CDCA2: variants seen among roughly 807,000 people sequenced by gnomAD.
CDCA2 encodes cell division cycle associated 2.
CDCA2 carries 44 observed loss-of-function variants against 67.0 expected under a neutral mutation model. The ratio of observed to expected loss-of-function variants is 0.66; its 90% CI spans 0.52 to 0.84. The LOEUF is 0.84. Ranked by LOEUF, CDCA2 falls within the 40% of genes least tolerant of loss-of-function variation. The pLI is 0.00. For missense variants in CDCA2, 1,253 were observed against 1,203.2 expected (o/e 1.04, Z -0.61); for synonymous variants, 447 against 418.7 (o/e 1.07, Z -0.82).
chr8:25,475,652 G>T (rs551267301), intron 7 of CDCA2, among the ~76,000 whole-genome samples: 1 of 152,320 alleles, frequency 6.6e-6, no homozygotes, highest in East Asian at 1.9e-4. Flanking sequence ...ACCTGGCGAA[G>T]ACCTGATGGG....
Position 25,483,471 on chromosome 8 carries a change from A to G in CDCA2, c.1105A>G (p.Lys369Glu), listed in dbSNP as rs148572164. 6 of 1,610,140 alleles carry G rather than the reference A, an allele frequency of 3.7e-6. No homozygotes were observed. Among genetic ancestry groups the G allele is most frequent in the Non-Finnish European group, 4.2e-6 (5 of 1,177,848 alleles). The change falls in exon 9 of 15, where the codon AAA becomes GAA. Residue 369 changes from lysine (K) to glutamate (E), a missense_variant. By Grantham distance (56) the Lys-to-Glu change is moderately conservative (BLOSUM62 1). Transcript: ENST00000330560. Reference protein sequence around the residue: ...SLISNLPNCCKEKEAEDEENF... With the variant: ...SLISNLPNCCEEKEAEDEENF... ...AATCTCAAATCTCCCAAACTGTTGC[A>G]AAGAGAAAGAAGCAGGTAAGAAATT...
chr8:25,460,609 A>G, intron 3 of CDCA2, 55 bp downstream of exon 3: 1 of 1,537,540 alleles, frequency 6.5e-7, no homozygotes, highest in Non-Finnish European at 8.8e-7. Flanking sequence ...AATAACTTTA[A>G]TATAACTCAG....
intron 5 of CDCA2, 88 bp from the exon 6 acceptor site, chr8:25,468,118 CAAAAAAAAAAA>C (rs60060887): frequency 2.2e-4 from 35 of 159,768 alleles, no homozygotes; most frequent in Middle Eastern, 7.1e-3. Flanking sequence ...AACTCCGTCT[CAAAAAAAAAAA>C]AAAAAAAAAA....
At chr8:25,491,358 A>C (rs1803995582) in intron 13 of CDCA2, among the ~76,000 whole-genome samples, 1 of 152,196 alleles carries the variant, frequency 6.6e-6, no homozygotes, top group African/African-American at 2.4e-5. Context: ...GCGCCCACTG[A>C]ATAACTGGTA....
chr8:25,480,211 C>G (rs1586492121), intron 8 of CDCA2, 87 bp downstream of exon 8: 5 of 1,104,532 alleles, frequency 4.5e-6, no homozygotes, highest in East Asian at 2.6e-5. Flanking sequence ...ATATATCATG[C>G]TAGTTTAAAA....
chr8:25,504,358 T>G (rs1208670066), intron 14 of CDCA2, among the ~76,000 whole-genome samples: 1 of 151,830 alleles, frequency 6.6e-6, no homozygotes, highest in African/African-American at 2.4e-5. Flanking sequence ...CTCAAACTCT[T>G]GGGCTCAAAC....
chr8:25,482,205 C>A lies in CDCA2; in HGVS notation c.1033-1194C>A, dbSNP rs992358192. Among the ~76,000 whole-genome samples the A allele has an allele frequency of 2.2e-4, 33 of 152,194 alleles. 1 individual carries two copies. The highest frequency in any genetic ancestry group is 4.6e-4 in the Non-Finnish European group (31 of 68,036). Reference sequence around the variant, plus strand: ...TGTATTCTTTATTTGCAGAAACACACAGGGACAACTGCTACCTTCTTTCCT... The same window carrying A: ...TGTATTCTTTATTTGCAGAAACACAAAGGGACAACTGCTACCTTCTTTCCT... On this transcript the variant is annotated intron_variant, in intron 8 of 14. Transcript: ENST00000330560.
intron 4 of CDCA2, among the ~76,000 whole-genome samples, chr8:25,465,916 A>T (rs1802880933): frequency 6.6e-6 from 1 of 152,196 alleles, no homozygotes; most frequent in South Asian, 2.1e-4. Context: ...TTGTTGCACC[A>T]TCCCAGAGCG....
rs547125677 is a variant in CDCA2, at chr8:25,488,238, T to G, written c.1534-314T>G. Among the ~76,000 whole-genome samples, 5 of 152,228 alleles carry G rather than the reference T, an allele frequency of 3.3e-5. No individual in the cohort carries two copies. In the South Asian group the frequency reaches 6.2e-4, roughly 19 times the overall value. On this transcript the variant is annotated intron_variant, in intron 12 of 14. Transcript: ENST00000330560. ...TTTTCCCCATAACCCAGTAGTTAGG[T>G]GCTAAATTGTAGGTTCTTAATGAGT...
At position 25,480,208 on chromosome 8, in the gene CDCA2, A is replaced by G. The variant is rs545423152; in HGVS notation, c.1032+84A>G. 35 of 1,114,084 alleles carry G rather than the reference A, an allele frequency of 3.1e-5. No homozygotes were observed. In the Admixed American group the frequency reaches 5.0e-4, roughly 16 times the overall value. 69.0% of individuals were successfully genotyped at this position (1,114,084 alleles called of 1,614,324 possible). On this transcript the variant is annotated intron_variant, in intron 8 of 14. Transcript: ENST00000330560. ...TAATACCCTTGAAATGTCATATATCATGCTAGTTTAAAAGGAAATGTCTTA... is the reference window on the plus strand; with the variant it reads ...TAATACCCTTGAAATGTCATATATCGTGCTAGTTTAAAAGGAAATGTCTTA...
chr8:25,493,799 A>G (rs186612502), intron 13 of CDCA2, among the ~76,000 whole-genome samples: 16 of 152,334 alleles, frequency 1.1e-4, no homozygotes, highest in African/African-American at 3.6e-4. Context: ...AGGCACACTC[A>G]TACATTTTCT....
At chr8:25,506,341 AAAAG>A (rs1420648442) in intron 14 of CDCA2, among the ~76,000 whole-genome samples, 165 bp from the exon 15 acceptor site, 9 of 152,186 alleles carry the variant, frequency 5.9e-5, no homozygotes, top group African/African-American at 2.2e-4. Context: ...TTGGAGAACT[AAAAG>A]AGGAGGAGGA....
In CDCA2 at chr8:25,466,309, C is replaced by T. The variant is rs745747711; in HGVS notation, c.522C>T (p.Ser174=). 84 of 1,601,434 alleles carry T rather than the reference C, an allele frequency of 5.2e-5. 1 individual carries two copies. The South Asian group carries it at 6.7e-4, about 13-fold the overall frequency. The change falls in exon 5 of 15, where the codon TCC becomes TCT. Residue 174 remains serine, a synonymous_variant. Transcript: ENST00000330560. Reference sequence around the variant, plus strand: ...AATTCTCAGAGGCAGGAAAAGAGTCCGAGATGACAGACTTGAGTGAGTAGA... The same window carrying T: ...AATTCTCAGAGGCAGGAAAAGAGTCTGAGATGACAGACTTGAGTGAGTAGA... ...CLEFSEAGKE[S]EMTDLTRKEG...
intron 7 of CDCA2, among the ~76,000 whole-genome samples, chr8:25,475,050 C>G (rs1215508587): frequency 2.0e-5 from 3 of 152,160 alleles, no homozygotes; most frequent in Admixed American, 1.3e-4. Flanking sequence ...CTTTCCACTG[C>G]TAGGATTGGG....
intron 10 of CDCA2, among the ~76,000 whole-genome samples, chr8:25,485,180 T>TATAATAATAATA (rs59602718): frequency 1.8e-4 from 20 of 113,930 alleles, no homozygotes; most frequent in Non-Finnish European, 2.4e-4. Context: ...AAACTTAAAG[T>TATAATAATAATA]ATAATAATAA....
intron 6 of CDCA2, among the ~76,000 whole-genome samples, chr8:25,468,954 A>C (rs915389860): frequency 6.6e-5 from 10 of 152,234 alleles, no homozygotes; most frequent in African/African-American, 4.8e-5. Context: ...AAGTAGCTCT[A>C]GGGATTTTTG....
At chr8:25,493,949 T>C (rs553168910) in intron 13 of CDCA2, among the ~76,000 whole-genome samples, 4 of 152,336 alleles carry the variant, frequency 2.6e-5, no homozygotes, top group Admixed American at 2.6e-4. Flanking sequence ...ATATGTTTAT[T>C]TATTGCAGCA....
chr8:25,469,304 C>A (rs1353974815), intron 6 of CDCA2, among the ~76,000 whole-genome samples: 4 of 152,244 alleles, frequency 2.6e-5, no homozygotes, highest in Non-Finnish European at 5.9e-5. Context: ...CTTTGTATTT[C>A]AGTCGCCTGT....
At chr8:25,484,471 A>C (rs891922865) in intron 10 of CDCA2, among the ~76,000 whole-genome samples, 3 of 152,234 alleles carry the variant, frequency 2.0e-5, no homozygotes, top group African/African-American at 4.8e-5. Flanking sequence ...TCCTTAGAAG[A>C]CACAAATTAC....
Sources: gnomAD v4.1 joint callset for allele counts (sites outside exome capture counted in the v4.1 genomes callset) on GRCh38, gnomAD v4.1.1 for gene constraint, MANE v1.5 for transcripts, NCBI Gene and HGNC (gene_info 2026-07-23, HGNC 2026-07-21) for gene names.